LHFPL6: variants seen among roughly 807,000 people sequenced by gnomAD.
LHFPL6 encodes the protein LHFPL tetraspan subfamily member 6 protein.
Under a neutral mutation model 20.6 loss-of-function variants are expected in LHFPL6, and 9 were observed. The observed-to-expected ratio is 0.44, with a 90% CI of 0.26 to 0.76. The LOEUF is 0.76. Among genes scored for constraint, LHFPL6 ranks in the 30% least tolerant of loss-of-function variants. The pLI is 0.20. For missense variants in LHFPL6, 218 were observed against 253.5 expected, an observed-to-expected ratio of 0.86 and a Z score of 0.95; for synonymous variants, 105 against 98.7, an observed-to-expected ratio of 1.06 and a Z score of -0.38.
intron 2 of LHFPL6, among the ~76,000 whole-genome samples, chr13:39,503,409 T>A (rs1869363186): frequency 6.6e-6 from 1 of 152,182 alleles, no homozygotes; most frequent in Non-Finnish European, 1.5e-5. Context: ...ATTTTATTAA[T>A]ATCTAAAATT....
At position 39,503,021 on chromosome 13, in the gene LHFPL6, G is replaced by C. The variant is rs571133036; in HGVS notation, c.385+97811C>G. The stretch of plus-strand genomic sequence containing the variant: ...AGTCCTCCCACCTTGGCCTTCCAAA[G>C]TGCTGGGATTACAGCCACAAGCCAC... On this transcript the variant is annotated intron_variant, in intron 2 of 3. Coordinates refer to ENST00000379589, the MANE Select transcript of LHFPL6 (RefSeq NM_005780.3). Among the ~76,000 whole-genome samples, 421 of 152,234 alleles carry C rather than the reference G, an allele frequency of 2.8e-3. 1 individual carries two copies. The highest frequency in any genetic ancestry group is 5.0e-3 in the Non-Finnish European group (341 of 68,010).
intron 2 of LHFPL6, among the ~76,000 whole-genome samples, chr13:39,424,673 T>C (rs1418942311): frequency 6.6e-6 from 1 of 152,150 alleles, no homozygotes; most frequent in Non-Finnish European, 1.5e-5. Context: ...AAAATGGTAC[T>C]GCAATTTTTC....
intron 2 of LHFPL6, among the ~76,000 whole-genome samples, chr13:39,585,858 G>A (rs1021783044): frequency 2.0e-5 from 3 of 152,012 alleles, no homozygotes; most frequent in Non-Finnish European, 2.9e-5. Flanking sequence ...TATGTATCAC[G>A]TGTTATGAGA....
chr13:39,497,239 A>C (rs1336325946), intron 2 of LHFPL6, among the ~76,000 whole-genome samples: 1 of 152,168 alleles, frequency 6.6e-6, no homozygotes, highest in Non-Finnish European at 1.5e-5. Context: ...TGAGTAAAAA[A>C]TCGGCTATCA....
chr13:39,535,364 A>C lies in LHFPL6; in HGVS notation c.385+65468T>G, dbSNP rs889757403. The stretch of plus-strand genomic sequence containing the variant: ...TGTCTCCTCTTTTTGCTCCAAGCTC[A>C]ACACAGCAGAGTGGCTGGGTGATCC... On this transcript the variant is annotated intron_variant, in intron 2 of 3. Coordinates refer to ENST00000379589, the MANE Select transcript of LHFPL6 (RefSeq NM_005780.3). Among the ~76,000 whole-genome samples the C allele has an allele frequency of 2.0e-5, 3 of 152,228 alleles. No individual in the cohort carries two copies. In the East Asian group the frequency reaches 5.8e-4, roughly 29 times the overall value.
chr13:39,414,913 G>A (rs1025542800), intron 2 of LHFPL6, among the ~76,000 whole-genome samples: 9 of 152,210 alleles, frequency 5.9e-5, no homozygotes, highest in African/African-American at 2.2e-4. Flanking sequence ...ACTAGAACCA[G>A]GCCAAATCAA....
At chr13:39,490,184 C>G (rs924384257) in intron 2 of LHFPL6, among the ~76,000 whole-genome samples, 1 of 152,028 alleles carries the variant, frequency 6.6e-6, no homozygotes, top group Admixed American at 6.5e-5. Context: ...GTGCAAAACA[C>G]GCAGGAATTG....
intron 2 of LHFPL6, among the ~76,000 whole-genome samples, chr13:39,427,613 T>C (rs1871679124): frequency 2.0e-5 from 3 of 152,236 alleles, no homozygotes; most frequent in Admixed American, 2.0e-4. Flanking sequence ...CCTGCATTAC[T>C]GGGATACATT....
At chr13:39,401,513 C>T (rs549783561) in intron 2 of LHFPL6, among the ~76,000 whole-genome samples, 11 of 152,318 alleles carry the variant, frequency 7.2e-5, no homozygotes, top group African/African-American at 2.6e-4. Context: ...TTCTTTCCAG[C>T]AGTCATTACT....
intron 2 of LHFPL6, among the ~76,000 whole-genome samples, chr13:39,523,442 G>C (rs558971859): frequency 6.6e-6 from 1 of 152,006 alleles, no homozygotes; most frequent in Non-Finnish European, 1.5e-5. Flanking sequence ...GGTGGCGGGC[G>C]CCTGTAGTCC....
chr13:39,355,523 C>T lies in LHFPL6; in HGVS notation c.485-11469G>A, dbSNP rs115259944. On this transcript the variant is annotated intron_variant, in intron 3 of 3. Coordinates refer to ENST00000379589, the MANE Select transcript of LHFPL6 (RefSeq NM_005780.3). ...TAACAACATGATAACATGATCAAAA[C>T]CTCACATATCAATATAAACCTTGAA... is the stretch of plus-strand genomic sequence containing the variant. Among the ~76,000 whole-genome samples, 1,132 of 152,208 alleles carry T rather than the reference C, an allele frequency of 7.4e-3. 19 individuals carry two copies. The highest frequency in any genetic ancestry group is 0.026 in the African/African-American group (1,080 of 41,534).
In LHFPL6 at chr13:39,567,865, C is replaced by G. The variant is rs537279651; in HGVS notation, c.385+32967G>C. Among the ~76,000 whole-genome samples, 29 of 152,306 alleles carry G rather than the reference C, an allele frequency of 1.9e-4. No homozygotes were observed. The East Asian group carries it at 5.6e-3, about 29-fold the overall frequency. On this transcript the variant is annotated intron_variant, in intron 2 of 3. Transcript: ENST00000379589. ...TACAAAGTGTCTACTGCTGCTTTCC[C>G]ACCCCAAAGACAGAGTTGAGCAGTT... is the stretch of plus-strand genomic sequence containing the variant.
chr13:39,587,145 G>A (rs564412447), intron 2 of LHFPL6, among the ~76,000 whole-genome samples: 44 of 113,120 alleles, frequency 3.9e-4, no homozygotes, highest in African/African-American at 1.3e-3. Flanking sequence ...CAATAAGAGT[G>A]AAACTCCGTC....
intron 2 of LHFPL6, among the ~76,000 whole-genome samples, chr13:39,393,597 G>A (rs896932927): frequency 2.0e-5 from 3 of 152,130 alleles, no homozygotes; most frequent in African/African-American, 7.2e-5. Flanking sequence ...GTGGCTAAAT[G>A]GTGAGGATGG....
intron 3 of LHFPL6, among the ~76,000 whole-genome samples, chr13:39,367,163 C>T (rs1870035233): frequency 6.6e-6 from 1 of 152,160 alleles, no homozygotes; most frequent in Non-Finnish European, 1.5e-5. Flanking sequence ...AGAACTGGTG[C>T]ATGGCATGGA....
At chr13:39,470,300 G>A (rs1222576225) in intron 2 of LHFPL6, among the ~76,000 whole-genome samples, 1 of 152,042 alleles carries the variant, frequency 6.6e-6, no homozygotes, top group Non-Finnish European at 1.5e-5. Flanking sequence ...TGTTAAGAAA[G>A]CTCTTGCCAA....
chr13:39,600,681 C>T (rs1872908904), intron 2 of LHFPL6, 151 bp downstream of exon 2: 2 of 796,386 alleles, frequency 2.5e-6, no homozygotes, highest in Non-Finnish European at 3.6e-6. Flanking sequence ...ATAATCTTGA[C>T]TTTGGCAACC....
intron 2 of LHFPL6, among the ~76,000 whole-genome samples, chr13:39,527,842 A>G (rs1031802945): frequency 1.3e-5 from 2 of 152,198 alleles, no homozygotes; most frequent in African/African-American, 4.8e-5. Context: ...CAGGGATTTA[A>G]CCAAGTTGTC....
At chr13:39,364,689 T>C (rs1869965762) in intron 3 of LHFPL6, among the ~76,000 whole-genome samples, 1 of 152,144 alleles carries the variant, frequency 6.6e-6, no homozygotes, top group African/African-American at 2.4e-5. Flanking sequence ...AGTTCTGGGA[T>C]ACACGTGCAG....
Sources: gnomAD v4.1 joint callset for allele counts (sites outside exome capture counted in the v4.1 genomes callset) on GRCh38, gnomAD v4.1.1 for gene constraint, MANE v1.5 for transcripts, NCBI Gene and HGNC (gene_info 2026-07-23, HGNC 2026-07-21) for gene names.